The following EHBP1 variants were observed in gnomAD, a reference collection of about 807,000 sequenced individuals.
EHBP1 encodes EH domain-binding protein 1.
Under a neutral mutation model 144.0 loss-of-function variants are expected in EHBP1, and 55 were observed. That is an observed-to-expected ratio of 0.38 (90% confidence interval 0.31 to 0.48). The LOEUF is 0.48. Ranked by LOEUF, EHBP1 falls within the 20% of genes least tolerant of loss-of-function variation. The pLI is 0.98. For missense variants in EHBP1, 1,200 were observed against 1,364.2 expected (o/e 0.88, Z 1.90); for synonymous variants, 469 against 472.7 (o/e 0.99, Z 0.10).
intron 5 of EHBP1, among the ~76,000 whole-genome samples, chr2:62,786,859 T>C (rs1250566552): frequency 6.6e-6 from 1 of 152,200 alleles, no homozygotes; most frequent in Non-Finnish European, 1.5e-5. Context: ...TGTTATCTTG[T>C]GTGTTTTCTA....
chr2:62,849,822 A>T (rs1032078685), intron 7 of EHBP1, among the ~76,000 whole-genome samples: 6 of 152,180 alleles, frequency 3.9e-5, no homozygotes, highest in Non-Finnish European at 7.3e-5. Context: ...TTTTTAATAT[A>T]TTAAGTGTGT....
At chr2:62,950,985 C>T (rs571336392) in intron 13 of EHBP1, among the ~76,000 whole-genome samples, 8 of 152,002 alleles carry the variant, frequency 5.3e-5, no homozygotes, top group African/African-American at 1.9e-4. Context: ...GCGCCCGGCC[C>T]GAACCTCTGA....
intron 5 of EHBP1, among the ~76,000 whole-genome samples, chr2:62,775,176 G>T (rs886929323): frequency 6.6e-6 from 1 of 152,078 alleles, no homozygotes; most frequent in Non-Finnish European, 1.5e-5. Context: ...GAGAGTTGAT[G>T]AAATGAATAT....
intron 5 of EHBP1, among the ~76,000 whole-genome samples, chr2:62,783,640 C>A (rs2042608513): frequency 6.6e-6 from 1 of 152,218 alleles, no homozygotes; most frequent in South Asian, 2.1e-4. Flanking sequence ...CCCTTTTAGC[C>A]CTTGCTCAAG....
At chr2:62,683,001 T>C (rs2033584659) in intron 1 of EHBP1, among the ~76,000 whole-genome samples, 1 of 152,112 alleles carries the variant, frequency 6.6e-6, no homozygotes, top group Non-Finnish European at 1.5e-5. Flanking sequence ...AAAAAATGGC[T>C]ATATTAGGAT....
intron 7 of EHBP1, among the ~76,000 whole-genome samples, chr2:62,847,855 G>T (rs900618538): frequency 5.3e-5 from 8 of 152,138 alleles, no homozygotes; most frequent in African/African-American, 1.9e-4. Flanking sequence ...TTGGACATAT[G>T]GTTCACAAAG....
chr2:62,924,244 A>G (rs1411574967), intron 10 of EHBP1, among the ~76,000 whole-genome samples: 3 of 152,222 alleles, frequency 2.0e-5, no homozygotes, highest in African/African-American at 7.2e-5. Context: ...AAGCAGTAGT[A>G]AATGGCAAGT....
chr2:62,958,544 G>T (rs542737072), intron 14 of EHBP1, among the ~76,000 whole-genome samples: 1 of 152,304 alleles, frequency 6.6e-6, no homozygotes, highest in East Asian at 1.9e-4. Context: ...GTTGCCTGAT[G>T]CCAGGGTAGG....
chr2:62,873,077 G>A (rs765523770), intron 9 of EHBP1, among the ~76,000 whole-genome samples: 40 of 152,108 alleles, frequency 2.6e-4, no homozygotes, highest in African/African-American at 8.9e-4. Context: ...AGTGTTAAAC[G>A]CTCTGAAGAG....
At chr2:62,883,846 C>T (rs548985746) in intron 10 of EHBP1, among the ~76,000 whole-genome samples, 25 of 152,268 alleles carry the variant, frequency 1.6e-4, no homozygotes, top group African/African-American at 6.0e-4. Context: ...TGGCTCACGC[C>T]TGTATTCCCA....
At chr2:62,717,497 A>G (rs775437014) in intron 2 of EHBP1, among the ~76,000 whole-genome samples, 4 of 152,212 alleles carry the variant, frequency 2.6e-5, no homozygotes, top group Non-Finnish European at 5.9e-5. Context: ...TGTTAAAAGG[A>G]GTGGAACTGA....
chr2:62,735,477 T>TAC (rs1023252839), intron 2 of EHBP1, among the ~76,000 whole-genome samples: 44 of 152,294 alleles, frequency 2.9e-4, no homozygotes, highest in African/African-American at 9.9e-4. Context: ...TATGTATATA[T>TAC]ACACACTATG....
chr2:62,897,619 C>T (rs2053046686), intron 10 of EHBP1, among the ~76,000 whole-genome samples: 1 of 152,124 alleles, frequency 6.6e-6, no homozygotes, highest in South Asian at 2.1e-4. Context: ...TTTTCCTGAG[C>T]TCTGCCTACT....
At chr2:63,039,712 A>T (rs531991552) in intron 21 of EHBP1, among the ~76,000 whole-genome samples, 1 of 152,334 alleles carries the variant, frequency 6.6e-6, no homozygotes, top group African/African-American at 2.4e-5. Context: ...AAGCCAAGTG[A>T]AGCCTTATAT....
intron 19 of EHBP1, among the ~76,000 whole-genome samples, chr2:63,017,495 A>G (rs1321996423): frequency 3.3e-5 from 5 of 152,224 alleles, no homozygotes; most frequent in African/African-American, 7.2e-5. Flanking sequence ...ATTAAATTAG[A>G]TACTTTATAT....
At chr2:62,773,850 C>CAAA (rs570715468) in intron 5 of EHBP1, among the ~76,000 whole-genome samples, 839 of 41,522 alleles carry the variant, frequency 0.02, 85 homozygotes, top group Non-Finnish European at 0.025. Flanking sequence ...GACTCCATCT[C>CAAA]AAAAAAAAAA....
chr2:62,969,452 A>G (rs1339917712), intron 14 of EHBP1, among the ~76,000 whole-genome samples: 1 of 152,160 alleles, frequency 6.6e-6, no homozygotes, highest in Non-Finnish European at 1.5e-5. Flanking sequence ...TATTTTAAAA[A>G]CTAGAGTATG....
chr2:62,683,171 A>G (rs1379724833), intron 1 of EHBP1, among the ~76,000 whole-genome samples: 1 of 152,188 alleles, frequency 6.6e-6, no homozygotes, highest in East Asian at 1.9e-4. Flanking sequence ...TGATCTCTGT[A>G]TCTCTCAGCT....
At chr2:63,026,294 T>TTGTG (rs60109170) in intron 19 of EHBP1, among the ~76,000 whole-genome samples, 9,128 of 128,966 alleles carry the variant, frequency 0.071, 360 homozygotes, top group Admixed American at 0.083. Context: ...GCTCTCTACC[T>TTGTG]TGTGTGTGTG....
Sources: allele counts gnomAD v4.1 joint callset (sites outside exome capture counted in the v4.1 genomes callset), GRCh38; gene constraint gnomAD v4.1.1; transcripts MANE v1.5; gene names NCBI Gene and HGNC (gene_info 2026-07-23, HGNC 2026-07-21).